Variants in HHAT observed in about 807,000 individuals in gnomAD.
HHAT encodes the protein hedgehog acyltransferase.
In HHAT, 47 loss-of-function variants were observed where a neutral mutation model predicts 70.8. That is an observed-to-expected ratio of 0.66 (90% CI 0.53 to 0.85). The LOEUF is 0.85. Among genes scored for constraint, HHAT ranks in the 40% least tolerant of loss-of-function variants. The pLI, the probability that HHAT is intolerant of heterozygous loss-of-function variation, is 0.00. For missense variants in HHAT, 609 were observed against 604.8 expected, an observed-to-expected ratio of 1.01 and a Z score of -0.07; for synonymous variants, 228 against 247.6, an observed-to-expected ratio of 0.92 and a Z score of 0.74.
intron 8 of HHAT, among the ~76,000 whole-genome samples, chr1:210,507,359 CTTTTTTTTTTTT>C (rs927392992): frequency 8.2e-6 from 1 of 122,528 alleles, no homozygotes; most frequent in Non-Finnish European, 1.7e-5. Context: ...TTTCTTTTTT[CTTTTTTTTTTTT>C]TTTTTTTGAG....
chr1:210,609,966 A>G (rs756357880), intron 10 of HHAT, among the ~76,000 whole-genome samples: 5 of 152,190 alleles, frequency 3.3e-5, no homozygotes, highest in Non-Finnish European at 5.9e-5. Flanking sequence ...TAGTGCTGCA[A>G]TGAACATACG....
At chr1:210,334,325 T>C (rs559080638) in intron 1 of HHAT, among the ~76,000 whole-genome samples, 18 of 151,756 alleles carry the variant, frequency 1.2e-4, no homozygotes, top group African/African-American at 4.4e-4. Flanking sequence ...CTGGCTAATT[T>C]TTGTATTTTT....
chr1:210,509,971 A>C (rs898847751), intron 8 of HHAT, among the ~76,000 whole-genome samples: 6 of 152,166 alleles, frequency 3.9e-5, no homozygotes, highest in Non-Finnish European at 8.8e-5. Flanking sequence ...CAGAATTGTC[A>C]TTGGGAAGTA....
intron 9 of HHAT, among the ~76,000 whole-genome samples, chr1:210,515,822 C>A (rs112193622): frequency 0.012 from 1,847 of 150,670 alleles, 41 homozygotes; most frequent in African/African-American, 0.042. Context: ...AATCCCAGCA[C>A]TTTGGGAGGC....
chr1:210,615,150 C>G (rs1667421574), intron 10 of HHAT, among the ~76,000 whole-genome samples: 1 of 152,190 alleles, frequency 6.6e-6, no homozygotes, highest in Non-Finnish European at 1.5e-5. Context: ...ATTTGCATTT[C>G]TCTGATGGCC....
intron 6 of HHAT, among the ~76,000 whole-genome samples, chr1:210,412,603 A>G (rs1162177958): frequency 6.6e-6 from 1 of 152,214 alleles, no homozygotes; most frequent in Non-Finnish European, 1.5e-5. Context: ...AAGGCTCAGG[A>G]ATCATCATGT....
chr1:210,631,278 C>G (rs1378407605), intron 11 of HHAT: 1 of 367,482 alleles, frequency 2.7e-6, no homozygotes, highest in Non-Finnish European at 5.4e-6. Flanking sequence ...TGAACCATCC[C>G]TGGGTGTCAC....
chr1:210,414,097 A>T (rs1157944954), intron 6 of HHAT, among the ~76,000 whole-genome samples: 1 of 152,216 alleles, frequency 6.6e-6, no homozygotes, highest in African/African-American at 2.4e-5. Context: ...GGAGTCTGGG[A>T]ATTCCATGAT....
intron 1 of HHAT, chr1:210,329,351 G>A: frequency 8.4e-7 from 1 of 1,196,714 alleles, no homozygotes; most frequent in South Asian, 4.1e-5. Flanking sequence ...GTCCGCGCAC[G>A]GCCCTGCCCA....
chr1:210,563,734 C>T (rs574366496), intron 9 of HHAT, among the ~76,000 whole-genome samples: 3 of 152,174 alleles, frequency 2.0e-5, no homozygotes, highest in Non-Finnish European at 4.4e-5. Context: ...TGTTCCATAA[C>T]CTCATATTGG....
chr1:210,578,056 A>AG (rs1658324648), intron 9 of HHAT, among the ~76,000 whole-genome samples: 5 of 152,098 alleles, frequency 3.3e-5, no homozygotes, highest in Admixed American at 2.6e-4. Context: ...GATGAGTTGG[A>AG]GAAGGATTGG....
chr1:210,503,126 A>C (rs886215770), intron 8 of HHAT, among the ~76,000 whole-genome samples: 4 of 152,016 alleles, frequency 2.6e-5, no homozygotes, highest in Non-Finnish European at 5.9e-5. Flanking sequence ...CACCCAGCTA[A>C]TTTTTGTATT....
At chr1:210,446,500 G>A (rs1364926617) in intron 7 of HHAT, among the ~76,000 whole-genome samples, 1 of 152,150 alleles carries the variant, frequency 6.6e-6, no homozygotes, top group Non-Finnish European at 1.5e-5. Context: ...CTGCAGTTGT[G>A]TGCTGGCTTT....
chr1:210,451,157 A>G (rs1293841972), intron 7 of HHAT, among the ~76,000 whole-genome samples: 14 of 151,600 alleles, frequency 9.2e-5, no homozygotes, highest in Admixed American at 9.2e-4. Context: ...AACTCTGCAG[A>G]GAAGCTTGGA....
At chr1:210,329,610 C>A in intron 1 of HHAT, 2 of 394,390 alleles carry the variant, frequency 5.1e-6, no homozygotes, top group Non-Finnish European at 6.9e-6. Context: ...AGGTACTTTA[C>A]GGGTAGCATT....
At chr1:210,337,426 C>A (rs188423684) in intron 1 of HHAT, among the ~76,000 whole-genome samples, 64 of 152,290 alleles carry the variant, frequency 4.2e-4, no homozygotes, top group African/African-American at 1.2e-3. Flanking sequence ...CTTCAAAAAA[C>A]ACACATTTAT....
At chr1:210,457,592 G>A (rs953308120) in intron 7 of HHAT, among the ~76,000 whole-genome samples, 1 of 152,116 alleles carries the variant, frequency 6.6e-6, no homozygotes, top group African/African-American at 2.4e-5. Flanking sequence ...GAAGGCAGGG[G>A]TCAAACATGC....
intron 8 of HHAT, among the ~76,000 whole-genome samples, chr1:210,480,004 T>C (rs960933708): frequency 6.6e-6 from 1 of 152,214 alleles, no homozygotes; most frequent in African/African-American, 2.4e-5. Flanking sequence ...TAATGATGCC[T>C]ACCTGCTGGG....
At chr1:210,515,744 C>G (rs568919169) in intron 9 of HHAT, among the ~76,000 whole-genome samples, 4 of 117,844 alleles carry the variant, frequency 3.4e-5, no homozygotes, top group Non-Finnish European at 6.6e-5. Context: ...GGCGATACAG[C>G]GAGACTCCGT....
Sources: allele counts gnomAD v4.1 joint callset (sites outside exome capture counted in the v4.1 genomes callset), GRCh38; gene constraint gnomAD v4.1.1; transcripts MANE v1.5; gene names NCBI Gene and HGNC (gene_info 2026-07-23, HGNC 2026-07-21).